Variants in RNF135 observed in about 807,000 individuals in gnomAD.
RNF135 encodes the protein ring finger protein 135.
In RNF135, 46 loss-of-function variants were observed where a neutral mutation model predicts 41.9. The ratio of observed to expected loss-of-function variants is 1.10; its 90% CI spans 0.87 to 1.40. The LOEUF (loss-of-function observed/expected upper bound fraction) is 1.40, where lower values mean the gene tolerates loss of function less well. RNF135 is among the 40% of genes most tolerant of loss of function. RNF135 has a pLI of 0.00. For missense variants in RNF135, 539 were observed against 549.8 expected (o/e 0.98, Z 0.20); for synonymous variants, 238 against 223.8 (o/e 1.06, Z -0.57).
At chr17:30,969,853 C>T (rs563721166), upstream of RNF135, among the ~76,000 whole-genome samples, 1 of 151,386 alleles carries the variant, frequency 6.6e-6, no homozygotes, top group Non-Finnish European at 1.5e-5. Context: ...AAACCTCCGC[C>T]TCCCGGGTTC....
chr17:30,969,626 T>C (rs1035124000), upstream of RNF135, among the ~76,000 whole-genome samples: 15 of 152,182 alleles, frequency 9.9e-5, no homozygotes, highest in Non-Finnish European at 2.2e-4. Flanking sequence ...GTCAGGGAAG[T>C]GCCAGTCCTA....
Position 30,971,227 on chromosome 17 carries a change from C to G in RNF135, c.154C>G (p.Arg52Gly). The change falls in exon 1 of 5, where the codon CGC becomes GGC. Residue 52 changes from arginine to glycine, a missense_variant. Arg to Gly is a moderately radical substitution (Grantham distance 125). Coordinates refer to ENST00000328381, the MANE Select transcript of RNF135 (RefSeq NM_032322.4). ...CTGCCTGGAGGCCCTGTGGGGCGCC[C>G]GCGACGCCCGCCGCTGGGCCTGCCC... ...RHCLEALWGA[R>G]DARRWACPTC... 6.6e-7 allele frequency: 1 copy of G among 1,512,534 alleles called. No individual in the cohort carries two copies. Among genetic ancestry groups the G allele is most frequent in the Non-Finnish European group, 8.8e-7 (1 of 1,137,256 alleles). The allele number at this position is 1,512,534 out of a possible 1,614,324, so 93.7% of individuals were successfully genotyped here. A position where few individuals can be genotyped will look rare whatever the true frequency, so the allele number is the denominator to read the frequency against.
At chr17:30,967,496 C>G (rs149858873), upstream of RNF135, among the ~76,000 whole-genome samples, 6 of 151,884 alleles carry the variant, frequency 4.0e-5, no homozygotes, top group East Asian at 1.2e-3. Context: ...ATAATTAAAT[C>G]CAGGGGAAAA....
At chr17:30,968,408 C>CA (rs568115915), upstream of RNF135, among the ~76,000 whole-genome samples, 23 of 148,390 alleles carry the variant, frequency 1.5e-4, no homozygotes, top group East Asian at 4.6e-3. Flanking sequence ...TCTTTTGAGA[C>CA]AGAGTCTTGC....
Position 30,971,139 on chromosome 17 carries a change from C to T in RNF135, c.66C>T (p.Ile22=), listed in dbSNP as rs1335813167. Residue 22 remains isoleucine (I), a synonymous_variant, in exon 1 of 5, where the codon ATC becomes ATT. Transcript: ENST00000328381. ...TGGCCGAGGACGACCTCGGCTGCAT[C>T]ATCTGCCAGGGGCTGCTGGACTGGC... ...VWLAEDDLGC[I]ICQGLLDWPA... 2 of 1,534,202 alleles carry T rather than the reference C, an allele frequency of 1.3e-6. No homozygotes were observed. Among genetic ancestry groups the T allele is most frequent in the East Asian group, 2.4e-5 (1 of 40,860 alleles).
intron 1 of RNF135, among the ~76,000 whole-genome samples, chr17:30,984,121 G>A (rs1418365576): frequency 1.3e-5 from 2 of 151,908 alleles, no homozygotes; most frequent in East Asian, 1.9e-4. Flanking sequence ...TCTATTGTTC[G>A]TGTCTTTTGA....
At chr17:30,995,757 A>G (rs1908311407) in intron 3 of RNF135, among the ~76,000 whole-genome samples, 1 of 150,394 alleles carries the variant, frequency 6.6e-6, no homozygotes, top group Admixed American at 6.6e-5. Flanking sequence ...AGAATTTGTT[A>G]CTTTTTTTTT....
At chr17:30,985,576 C>T (rs576718058) in intron 2 of RNF135, among the ~76,000 whole-genome samples, 1 of 152,302 alleles carries the variant, frequency 6.6e-6, no homozygotes, top group South Asian at 2.1e-4. Context: ...TATTCTTGAG[C>T]TCCTTTGAGA....
intron 1 of RNF135, chr17:30,979,240 A>ACCCC (rs1167968050): frequency 8.5e-5 from 6 of 70,340 alleles, no homozygotes; most frequent in African/African-American, 6.2e-4. Context: ...CGGGGGGCTG[A>ACCCC]CCCCCCCCCC....
chr17:30,971,408 CGGCCGCGA>C lies in RNF135; in HGVS notation c.340_347del (p.Ala114ProfsTer87), dbSNP rs750567515. The C allele has an allele frequency of 1.5e-5, 23 of 1,518,346 alleles. No individual in the cohort carries two copies. The South Asian group carries it at 2.8e-4, about 18-fold the overall frequency. 94.1% of individuals were successfully genotyped at this position (1,518,346 alleles called of 1,614,324 possible). The stretch of plus-strand genomic sequence containing the variant: ...CCGGGCTCCAGTTCCCTCTCCAGCG[CGGCCGCGA>C]GGCCCCGGCGCCGCCCGGAACTGCA... On this transcript the variant is annotated frameshift_variant, in exon 1 of 5. Transcript: ENST00000328381. LOFTEE classifies it high-confidence loss of function.
intron 4 of RNF135, 80 bp downstream of exon 4, chr17:30,997,411 A>C: frequency 5.0e-6 from 6 of 1,191,840 alleles, no homozygotes; most frequent in Non-Finnish European, 7.5e-6. Flanking sequence ...CCATCTCCCT[A>C]CTGCTAGGGC....
rs1393434028 is a variant in RNF135, at chr17:30,999,513, G to A, written c.*322G>A. On this transcript the variant is annotated 3_prime_UTR_variant, in exon 5 of 5. Coordinates refer to ENST00000328381, the MANE Select transcript of RNF135 (RefSeq NM_032322.4). The stretch of plus-strand genomic sequence containing the variant: ...CAAATAAAGAATAGGCCCCTGCCTG[G>A]CTCCTGGGAGATAACCTCTAAGCCA... 2 of 352,592 alleles carry A rather than the reference G, an allele frequency of 5.7e-6. No homozygotes were observed. The highest frequency in any genetic ancestry group is 2.8e-5 in the South Asian group (1 of 36,204). The allele number at this position is 352,592 out of a possible 1,614,324, so 21.8% of individuals were successfully genotyped here.
At chr17:30,963,709 G>A in the RNF135 span, among the ~76,000 whole-genome samples, 1 of 152,308 alleles carries the variant, frequency 6.6e-6, no homozygotes, top group South Asian at 2.1e-4. Context: ...TTCTGTAAGA[G>A]TGTCAGTGAA....
chr17:30,961,071 A>T, the RNF135 span, among the ~76,000 whole-genome samples: 1 of 152,250 alleles, frequency 6.6e-6, no homozygotes, highest in South Asian at 2.1e-4. Context: ...CTTTCACAGC[A>T]CATGATACCT....
intron 1 of RNF135, chr17:30,975,895 A>C (rs1161969697): frequency 3.2e-6 from 2 of 630,380 alleles, no homozygotes; most frequent in African/African-American, 1.8e-5. Context: ...TGGAATCCCA[A>C]GTTTGGGCTC....
intron 2 of RNF135, among the ~76,000 whole-genome samples, chr17:30,987,012 G>C (rs1430387299): frequency 6.6e-6 from 1 of 152,104 alleles, no homozygotes; most frequent in Non-Finnish European, 1.5e-5. Flanking sequence ...ATTTTGATTG[G>C]TGGAAAGAAT....
At chr17:30,960,114 C>A in the RNF135 span, among the ~76,000 whole-genome samples, 1,516 of 152,136 alleles carry the variant, frequency 1.0e-2, 25 homozygotes, top group African/African-American at 0.035. Flanking sequence ...AATTTATTGG[C>A]CGGGCACGGT....
intron 2 of RNF135, among the ~76,000 whole-genome samples, chr17:30,986,686 T>A (rs776927830): frequency 3.9e-5 from 6 of 152,242 alleles, no homozygotes; most frequent in Non-Finnish European, 7.3e-5. Context: ...ACTAGTATTA[T>A]GACCTTGGGC....
chr17:30,962,921 A>G, the RNF135 span, among the ~76,000 whole-genome samples: 1 of 152,144 alleles, frequency 6.6e-6, no homozygotes, highest in African/African-American at 2.4e-5. Flanking sequence ...TCTATCACCA[A>G]CAGTTGGTGT....
Sources: allele counts gnomAD v4.1 joint callset (sites outside exome capture counted in the v4.1 genomes callset), GRCh38; gene constraint gnomAD v4.1.1; transcripts MANE v1.5; gene names NCBI Gene and HGNC (gene_info 2026-07-23, HGNC 2026-07-21).